GRM5: variants seen among roughly 807,000 people sequenced by gnomAD.
GRM5 encodes metabotropic glutamate receptor 5.
In GRM5, 19 loss-of-function variants were observed where a neutral mutation model predicts 83.1. The observed-to-expected ratio is 0.23, with a 90% CI of 0.16 to 0.34. The LOEUF is 0.34. GRM5 is among the 10% of genes least tolerant of loss of function. The pLI is 1.00. For missense variants in GRM5, 1,160 were observed against 1,588.3 expected, an observed-to-expected ratio of 0.73 and a Z score of 4.58; for synonymous variants, 675 against 633.6, an observed-to-expected ratio of 1.07 and a Z score of -0.98.
intron 3 of GRM5, among the ~76,000 whole-genome samples, chr11:88,816,641 C>G (rs1943691619): frequency 7.3e-6 from 1 of 136,864 alleles, no homozygotes; most frequent in African/African-American, 2.7e-5. Flanking sequence ...AGCAAAAAAT[C>G]AATGAAAGAG....
intron 8 of GRM5, among the ~76,000 whole-genome samples, chr11:88,555,573 CATAA>C (rs1304234073): frequency 6.6e-6 from 1 of 152,178 alleles, no homozygotes; most frequent in Non-Finnish European, 1.5e-5. Context: ...TAAAAAGTCA[CATAA>C]ATAAATGAAA....
At chr11:88,762,165 A>C (rs1271947200) in intron 3 of GRM5, among the ~76,000 whole-genome samples, 1 of 152,160 alleles carries the variant, frequency 6.6e-6, no homozygotes, top group African/African-American at 2.4e-5. Flanking sequence ...AAGCAATTGC[A>C]ACAAAATCAA....
intron 9 of GRM5, among the ~76,000 whole-genome samples, chr11:88,518,590 C>CTAGT (rs978084628): frequency 1.3e-5 from 2 of 151,894 alleles, no homozygotes; most frequent in Non-Finnish European, 2.9e-5. Context: ...TTTTATGTAA[C>CTAGT]TATTCACTGA....
rs1944129226 is a variant in GRM5 at position 88,838,183 on chromosome 11, AC to A, written c.911+11722del. Among the ~76,000 whole-genome samples, 3 of 149,094 alleles carry A rather than the reference AC, an allele frequency of 2.0e-5. No homozygotes were observed. The South Asian group carries it at 6.7e-4, about 33-fold the overall frequency. ...GTTAATATTACTCACTTCAGAAGGG[AC>A]TTGTGAGAAATAAAAGAAATATCTC... On this transcript the variant is annotated intron_variant, in intron 3 of 9. Transcript: ENST00000305447.
chr11:89,049,756 AG>A (rs772327968), intron 1 of GRM5, among the ~76,000 whole-genome samples: 2 of 152,218 alleles, frequency 1.3e-5, no homozygotes, highest in African/African-American at 2.4e-5. Flanking sequence ...GGGAATATAT[AG>A]AAAAAAATAG....
chr11:88,856,833 T>A (rs1355927162), intron 2 of GRM5, among the ~76,000 whole-genome samples: 2 of 152,062 alleles, frequency 1.3e-5, no homozygotes, highest in Admixed American at 6.6e-5. Context: ...CACTGTGGCA[T>A]ATGCAGTCTG....
intron 3 of GRM5, among the ~76,000 whole-genome samples, chr11:88,778,433 C>A (rs573587483): frequency 6.6e-6 from 1 of 152,348 alleles, no homozygotes; most frequent in East Asian, 1.9e-4. Flanking sequence ...CCCCACCCTG[C>A]TTTGGCTCAC....
intron 2 of GRM5, among the ~76,000 whole-genome samples, chr11:88,940,020 G>A (rs377424157): frequency 6.6e-6 from 1 of 151,862 alleles, no homozygotes; most frequent in Non-Finnish European, 1.5e-5. Context: ...TTTATATTAT[G>A]TGTTATCTTG....
At position 88,841,765 on chromosome 11, in the gene GRM5, C is replaced by T. The variant is rs75828270; in HGVS notation, c.911+8141G>A. Among the ~76,000 whole-genome samples, 1,188 of 152,296 alleles carry T rather than the reference C, an allele frequency of 7.8e-3. 19 individuals carry two copies. The highest frequency in any genetic ancestry group is 0.027 in the African/African-American group (1,126 of 41,568). ...CTTGGGAGCAGTTTCAGCATCACTA[C>T]TGACACTTTTGTTCCCATGGTGTTA... On this transcript the variant is annotated intron_variant, in intron 3 of 9. Coordinates refer to ENST00000305447, the MANE Select transcript of GRM5 (RefSeq NM_001143831.3).
At chr11:88,826,851 CT>C (rs897521484) in intron 3 of GRM5, among the ~76,000 whole-genome samples, 26 of 152,084 alleles carry the variant, frequency 1.7e-4, no homozygotes, top group African/African-American at 6.3e-4. Flanking sequence ...TAATCACCAA[CT>C]TTTTCAATTG....
At chr11:88,838,103 A>AAAAAAAC (rs1479683398) in intron 3 of GRM5, among the ~76,000 whole-genome samples, 1 of 149,302 alleles carries the variant, frequency 6.7e-6, no homozygotes, top group African/African-American at 2.5e-5. Context: ...AAAAAAAAAA[A>AAAAAAAC]AAAAAAGATA....
rs781332244 is a variant in GRM5 at position 88,506,229 on chromosome 11, G to A, written c.*2363C>T. 3.3e-5 allele frequency: 5 copies of A among 152,016 alleles called. No homozygotes were observed. The highest frequency in any genetic ancestry group is 6.6e-5 in the Admixed American group (1 of 15,262). 9.4% of individuals were successfully genotyped at this position (152,016 alleles called of 1,614,324 possible). ...AGGTAGTGTGCTTTTTAAGAGATAT[G>A]TTACTAAAAAAATAGAAAATGAATT... On this transcript the variant is annotated 3_prime_UTR_variant, in exon 10 of 10. Coordinates refer to ENST00000305447, the MANE Select transcript of GRM5 (RefSeq NM_001143831.3).
intron 8 of GRM5, among the ~76,000 whole-genome samples, chr11:88,536,258 T>TACACAAAAG (rs1445518347): frequency 7.7e-4 from 118 of 152,346 alleles, no homozygotes; most frequent in South Asian, 1.7e-3. Flanking sequence ...TTTTGTGTAA[T>TACACAAAAG]TTGAATAAGA....
chr11:88,966,179 T>G (rs1252790667), intron 2 of GRM5, among the ~76,000 whole-genome samples: 1 of 152,026 alleles, frequency 6.6e-6, no homozygotes, highest in South Asian at 2.1e-4. Flanking sequence ...GGTAAAAATA[T>G]TGAACTGAAT....
intron 3 of GRM5, among the ~76,000 whole-genome samples, chr11:88,677,794 G>T (rs184646913): frequency 6.6e-6 from 1 of 151,948 alleles, no homozygotes; most frequent in South Asian, 2.1e-4. Context: ...CATTTGATTT[G>T]CTACATTAAA....
intron 3 of GRM5, among the ~76,000 whole-genome samples, chr11:88,768,141 C>T (rs1565221564): frequency 6.6e-6 from 1 of 151,970 alleles, no homozygotes; most frequent in Non-Finnish European, 1.5e-5. Context: ...AATGTTTACA[C>T]CCATGTTCAA....
chr11:88,888,926 T>C (rs1194699890), intron 2 of GRM5, among the ~76,000 whole-genome samples: 2 of 152,200 alleles, frequency 1.3e-5, no homozygotes, highest in Non-Finnish European at 2.9e-5. Flanking sequence ...TTGCTTCTTG[T>C]CCTTGGGAAC....
chr11:88,678,524 T>A (rs1340832048), intron 3 of GRM5, among the ~76,000 whole-genome samples: 1 of 152,154 alleles, frequency 6.6e-6, no homozygotes, highest in Non-Finnish European at 1.5e-5. Context: ...TCCTCCATAA[T>A]TTTCTCATTT....
chr11:89,034,546 T>TAG (rs775505927), intron 2 of GRM5, among the ~76,000 whole-genome samples: 28 of 151,862 alleles, frequency 1.8e-4, no homozygotes, highest in Non-Finnish European at 3.1e-4. Flanking sequence ...ACTCATGTGC[T>TAG]AGCAAGTGCT....
Sources: gnomAD v4.1 joint callset for allele counts (sites outside exome capture counted in the v4.1 genomes callset) on GRCh38, gnomAD v4.1.1 for gene constraint, MANE v1.5 for transcripts, NCBI Gene and HGNC (gene_info 2026-07-23, HGNC 2026-07-21) for gene names.